The following FARS2 variants were observed in gnomAD, a reference collection of about 807,000 sequenced individuals.
FARS2 encodes phenylalanine--tRNA ligase, mitochondrial.
FARS2 carries 40 observed loss-of-function variants against 46.4 expected under a neutral mutation model. That is an observed-to-expected ratio of 0.86 (90% confidence interval 0.67 to 1.12). The LOEUF is 1.12. Among genes scored for constraint, FARS2 ranks in the 50% most tolerant of loss-of-function variants. FARS2 has a pLI of 0.00. For missense variants in FARS2, 513 were observed against 567.9 expected (o/e 0.90, Z 0.98); for synonymous variants, 234 against 214.9 (o/e 1.09, Z -0.78).
At chr6:5,316,936 A>G (rs140861329) in intron 1 of FARS2, among the ~76,000 whole-genome samples, 12 of 152,298 alleles carry the variant, frequency 7.9e-5, no homozygotes, top group African/African-American at 2.9e-4. Context: ...TCCTGTCTCC[A>G]TTAAGGGGGA....
At chr6:5,297,922 A>G (rs1768010034) in intron 1 of FARS2, among the ~76,000 whole-genome samples, 2 of 152,224 alleles carry the variant, frequency 1.3e-5, no homozygotes, top group Non-Finnish European at 2.9e-5. Context: ...CACTCTACCC[A>G]TTCCCATCAG....
chr6:5,767,617 G>A (rs923484987), intron 6 of FARS2, among the ~76,000 whole-genome samples: 1 of 152,196 alleles, frequency 6.6e-6, no homozygotes, highest in African/African-American at 2.4e-5. Context: ...TTAGCTGTGT[G>A]AGCATAGGTA....
chr6:5,352,179 A>G lies in FARS2; in HGVS notation c.-21-16371A>G, dbSNP rs1188937336. 2.1e-5 allele frequency among the ~76,000 whole-genome samples: 3 copies of G among 144,218 alleles called. No homozygotes were observed. The East Asian group carries it at 6.0e-4, about 29-fold the overall frequency. The allele number at this position is 144,218 out of a possible 152,430, so 94.6% of individuals were successfully genotyped here. A position where few individuals can be genotyped will look rare whatever the true frequency, so the allele number is the denominator to read the frequency against. The stretch of plus-strand genomic sequence containing the variant: ...TAGTTCATCTGCTATCATTAGTGTT[A>G]GTGTATTTTATGTGTGGCCAAAGAC... On this transcript the variant is annotated intron_variant, in intron 1 of 6. Coordinates refer to ENST00000274680, the MANE Select transcript of FARS2 (RefSeq NM_006567.5).
chr6:5,506,458 A>C (rs1180742609), intron 4 of FARS2, among the ~76,000 whole-genome samples: 1 of 152,190 alleles, frequency 6.6e-6, no homozygotes, highest in Non-Finnish European at 1.5e-5. Context: ...GGGCAGCTAG[A>C]GAGAGTGGGG....
At chr6:5,480,891 A>G (rs1766413223) in intron 4 of FARS2, among the ~76,000 whole-genome samples, 1 of 152,226 alleles carries the variant, frequency 6.6e-6, no homozygotes, top group South Asian at 2.1e-4. Flanking sequence ...GGATCTATAG[A>G]AGACTAAAAA....
chr6:5,604,842 T>C (rs1402143126), intron 5 of FARS2, among the ~76,000 whole-genome samples: 1 of 152,230 alleles, frequency 6.6e-6, no homozygotes, highest in Non-Finnish European at 1.5e-5. Context: ...GACACACTTT[T>C]GAGTCTGGGT....
intron 4 of FARS2, among the ~76,000 whole-genome samples, chr6:5,440,599 T>C (rs1763787249): frequency 6.6e-6 from 1 of 152,218 alleles, no homozygotes; most frequent in African/African-American, 2.4e-5. Context: ...AAAGAGTTGA[T>C]TTTTCCACAC....
intron 6 of FARS2, among the ~76,000 whole-genome samples, chr6:5,724,705 C>T (rs1760139387): frequency 6.6e-6 from 1 of 152,206 alleles, no homozygotes; most frequent in Admixed American, 6.5e-5. Context: ...CTGCACTCAC[C>T]TCCCCTCAGC....
In FARS2 at chr6:5,399,132, TATTATTA is replaced by T. The variant is rs377045618; in HGVS notation, c.613-5409_613-5403del. On this transcript the variant is annotated intron_variant, in intron 2 of 6. Transcript: ENST00000274680. ...CTGGGTAGATTTTATATTATTTTAT[TATTATTA>T]TTATTATTATTATTATTATTATTAT... 4.9e-3 allele frequency among the ~76,000 whole-genome samples: 281 copies of T among 57,936 alleles called. 1 individual carries two copies. Among genetic ancestry groups the T allele is most frequent in the Middle Eastern group, 0.043 (4 of 94 alleles). The allele number at this position is 57,936 out of a possible 152,430, so 38.0% of individuals were successfully genotyped here.
At chr6:5,371,176 A>G (rs1287068007) in intron 2 of FARS2, 3 of 984,742 alleles carry the variant, frequency 3.0e-6, no homozygotes, top group Admixed American at 6.2e-5. Flanking sequence ...CAAGAATGCT[A>G]TGGAGAGTGG....
At chr6:5,276,326 A>G (rs1269883807) in intron 1 of FARS2, among the ~76,000 whole-genome samples, 2 of 152,210 alleles carry the variant, frequency 1.3e-5, no homozygotes, top group African/African-American at 2.4e-5. Context: ...TCACAGCTGT[A>G]TCATAGGTTT....
At chr6:5,344,133 C>A (rs1367553220) in intron 1 of FARS2, among the ~76,000 whole-genome samples, 1 of 152,168 alleles carries the variant, frequency 6.6e-6, no homozygotes, top group Non-Finnish European at 1.5e-5. Flanking sequence ...AGCAAGTGGC[C>A]TCCAGGTCCA....
At chr6:5,717,689 G>C (rs973080196) in intron 6 of FARS2, among the ~76,000 whole-genome samples, 1 of 151,800 alleles carries the variant, frequency 6.6e-6, no homozygotes, top group East Asian at 1.9e-4. Flanking sequence ...ATAGATTCAG[G>C]TGTTGTTAAC....
intron 4 of FARS2, among the ~76,000 whole-genome samples, chr6:5,437,316 G>A (rs1033214725): frequency 1.3e-5 from 2 of 152,062 alleles, no homozygotes; most frequent in Non-Finnish European, 2.9e-5. Flanking sequence ...TTCTCTAGAA[G>A]CAAAAAGCCT....
At chr6:5,484,343 C>T (rs1007557309) in intron 4 of FARS2, among the ~76,000 whole-genome samples, 2 of 152,076 alleles carry the variant, frequency 1.3e-5, no homozygotes, top group Admixed American at 1.3e-4. Flanking sequence ...CATGTATTTG[C>T]GTCTAATCAG....
intron 4 of FARS2, among the ~76,000 whole-genome samples, chr6:5,513,824 G>A (rs931359223): frequency 1.5e-4 from 23 of 152,108 alleles, no homozygotes; most frequent in African/African-American, 5.6e-4. Context: ...CCCTAGTCAG[G>A]GCCCTGCCAG....
intron 4 of FARS2, among the ~76,000 whole-genome samples, chr6:5,476,183 GC>G (rs1766110160): frequency 6.6e-6 from 1 of 152,166 alleles, no homozygotes; most frequent in African/African-American, 2.4e-5. Flanking sequence ...GAAGAAGGCA[GC>G]CCCCGGCGAA....
At chr6:5,666,774 G>C (rs370651271) in intron 6 of FARS2, among the ~76,000 whole-genome samples, 1 of 152,160 alleles carries the variant, frequency 6.6e-6, no homozygotes, top group Non-Finnish European at 1.5e-5. Context: ...ACATGCACAT[G>C]TGTATTCGTT....
chr6:5,400,033 T>C (rs1364555), intron 2 of FARS2, among the ~76,000 whole-genome samples: 12,512 of 152,130 alleles, frequency 0.082, 1,075 homozygotes, highest in African/African-American at 0.22. Context: ...TTTTGTTGGG[T>C]GTTGTCAAAT....
Sources: gnomAD v4.1 joint callset for allele counts (sites outside exome capture counted in the v4.1 genomes callset) on GRCh38, gnomAD v4.1.1 for gene constraint, MANE v1.5 for transcripts, NCBI Gene and HGNC (gene_info 2026-07-23, HGNC 2026-07-21) for gene names.